SNX24: variants seen among roughly 807,000 people sequenced by gnomAD.
SNX24 encodes the protein sorting nexin-24.
Under a neutral mutation model 28.7 loss-of-function variants are expected in SNX24, and 22 were observed. The ratio of observed to expected loss-of-function variants is 0.77; its 90% confidence interval spans 0.55 to 1.10. SNX24 has a LOEUF of 1.10. Among genes scored for constraint, SNX24 ranks in the 50% least tolerant of loss-of-function variants. The probability of loss-of-function intolerance (pLI) is 0.00; values close to 1 mark genes in which losing one functional copy is unlikely to be tolerated. For synonymous variants in SNX24, 69 were observed against 71.5 expected (o/e 0.96, Z 0.18); for missense variants, 221 against 201.1 (o/e 1.10, Z -0.60).
At position 122,888,922 on chromosome 5, in the gene SNX24, G is replaced by A. The variant is rs370259674; in HGVS notation, c.60+43229G>A. ...AATGGAGTGCAGTGGCGTGATCTCA[G>A]CTCACTGCAGCCTCTGCCTCCCAGG... is the stretch of plus-strand genomic sequence containing the variant. On this transcript the variant is annotated intron_variant, in intron 1 of 6. Coordinates refer to ENST00000261369, the MANE Select transcript of SNX24 (RefSeq NM_014035.4). Among the ~76,000 whole-genome samples, 7 of 152,278 alleles carry A rather than the reference G, an allele frequency of 4.6e-5. No homozygotes were observed. In the East Asian group the frequency reaches 5.8e-4, roughly 13 times the overall value.
At chr5:122,994,026 G>C (rs989603987) in intron 3 of SNX24, among the ~76,000 whole-genome samples, 2 of 152,080 alleles carry the variant, frequency 1.3e-5, no homozygotes, top group Non-Finnish European at 2.9e-5. Flanking sequence ...AACCCTGATA[G>C]ACAATGGAAA....
chr5:122,904,910 G>A (rs549021852), intron 1 of SNX24, among the ~76,000 whole-genome samples: 27 of 152,274 alleles, frequency 1.8e-4, no homozygotes, highest in Admixed American at 3.3e-4. Flanking sequence ...TGTTTGGAGC[G>A]GCCGTCTCGT....
intron 3 of SNX24, among the ~76,000 whole-genome samples, chr5:122,961,135 T>C (rs1760472851): frequency 6.6e-6 from 1 of 152,208 alleles, no homozygotes; most frequent in African/African-American, 2.4e-5. Flanking sequence ...AATTTCTCCT[T>C]TAATCCACAT....
chr5:122,972,573 C>G (rs923140754), intron 3 of SNX24, among the ~76,000 whole-genome samples: 4 of 152,212 alleles, frequency 2.6e-5, no homozygotes, highest in African/African-American at 9.6e-5. Context: ...ATTTCAGGAG[C>G]ATGAGCTGAC....
intron 2 of SNX24, among the ~76,000 whole-genome samples, chr5:122,937,494 AT>A (rs1759230020): frequency 6.6e-6 from 1 of 152,152 alleles, no homozygotes; most frequent in Admixed American, 6.5e-5. Context: ...CCTAAATTTA[AT>A]TTTTTCTAGA....
At chr5:122,992,028 A>G (rs1761875959) in intron 3 of SNX24, among the ~76,000 whole-genome samples, 1 of 152,234 alleles carries the variant, frequency 6.6e-6, no homozygotes, top group Admixed American at 6.5e-5. Flanking sequence ...GAATTAAACT[A>G]TGTAGCATAG....
At chr5:122,969,518 C>G (rs1760863480) in intron 3 of SNX24, among the ~76,000 whole-genome samples, 1 of 152,068 alleles carries the variant, frequency 6.6e-6, no homozygotes, top group African/African-American at 2.4e-5. Flanking sequence ...TCCATTTTTG[C>G]TATTTCCCGA....
rs199626998 is a variant in SNX24 at position 122,958,563 on chromosome 5, G to GT, written c.249+12413dup. Among the ~76,000 whole-genome samples, 1,212 of 150,898 alleles carry GT rather than the reference G, an allele frequency of 8.0e-3. 19 individuals carry two copies. The highest frequency in any genetic ancestry group is 0.028 in the African/African-American group (1,152 of 41,142). Reference sequence around the variant, plus strand: ...GAGCCACCATGCCTGACCACCAAGAGTTTTTTTTTCACATCAATTAGATGA... The same window carrying GT: ...GAGCCACCATGCCTGACCACCAAGAGTTTTTTTTTTCACATCAATTAGATGA... On this transcript the variant is annotated intron_variant, in intron 3 of 6. Coordinates refer to ENST00000261369, the MANE Select transcript of SNX24 (RefSeq NM_014035.4).
chr5:123,013,731 G>T (rs762860222), downstream of SNX24, among the ~76,000 whole-genome samples: 1 of 152,140 alleles, frequency 6.6e-6, no homozygotes, highest in Non-Finnish European at 1.5e-5. Context: ...TAGTTACAGT[G>T]ACAGCTAGGA....
chr5:123,005,892 G>A (rs1468997263), intron 6 of SNX24, among the ~76,000 whole-genome samples: 1 of 152,138 alleles, frequency 6.6e-6, no homozygotes, highest in African/African-American at 2.4e-5. Context: ...TCATGTTGGG[G>A]AAAGGCATGC....
At chr5:123,000,104 C>G in intron 4 of SNX24, 98 bp downstream of exon 4, 1 of 808,330 alleles carries the variant, frequency 1.2e-6, no homozygotes, top group South Asian at 1.5e-5. Context: ...GAGTAGCCTG[C>G]CGGCCACGCC....
At chr5:123,023,763 A>AAAAAAAGTAT in intron 5 of SNX24, 1 of 1,415,728 alleles carries the variant, frequency 7.1e-7, no homozygotes, top group Non-Finnish European at 9.3e-7. Context: ...ATAGAATACA[A>AAAAAAAGTAT]AAAGAAAGTA....
At chr5:122,874,695 G>T (rs1756145260) in intron 1 of SNX24, among the ~76,000 whole-genome samples, 1 of 152,198 alleles carries the variant, frequency 6.6e-6, no homozygotes, top group Non-Finnish European at 1.5e-5. Context: ...GGAGGTTCTT[G>T]AGCTTTTTGG....
intron 1 of SNX24, among the ~76,000 whole-genome samples, chr5:122,919,266 A>G (rs562236066): frequency 1.6e-4 from 24 of 152,348 alleles, no homozygotes; most frequent in Non-Finnish European, 7.3e-5. Flanking sequence ...ATTTTATGGA[A>G]GCAGAGAAAC....
intron 5 of SNX24, among the ~76,000 whole-genome samples, chr5:123,027,571 G>A (rs1425041419): frequency 1.3e-5 from 2 of 152,146 alleles, no homozygotes; most frequent in African/African-American, 4.8e-5. Context: ...CAACCTAAAT[G>A]CCTTCCTCCA....
At chr5:122,871,468 C>T (rs184493478) in intron 1 of SNX24, among the ~76,000 whole-genome samples, 141 of 152,192 alleles carry the variant, frequency 9.3e-4, no homozygotes, top group Admixed American at 1.7e-3. Flanking sequence ...AACAAATGAA[C>T]TTAAGAAAAG....
At chr5:122,969,927 C>T (rs544034729) in intron 3 of SNX24, among the ~76,000 whole-genome samples, 37 of 152,136 alleles carry the variant, frequency 2.4e-4, no homozygotes, top group Admixed American at 3.9e-4. Context: ...ACTTTCTCCA[C>T]GGGCCTCTCT....
intron 1 of SNX24, among the ~76,000 whole-genome samples, chr5:122,896,478 C>A (rs543865360): frequency 1.3e-5 from 2 of 152,320 alleles, no homozygotes; most frequent in Admixed American, 6.5e-5. Context: ...TACCATGTTG[C>A]CTTTGGTGGC....
At chr5:122,982,916 T>C (rs562483274) in intron 3 of SNX24, 1 of 152,226 alleles carries the variant, frequency 6.6e-6, no homozygotes, top group East Asian at 1.9e-4. Flanking sequence ...TTTGAAAAAA[T>C]ATTAACTCTT....
Sources: allele counts gnomAD v4.1 joint callset (sites outside exome capture counted in the v4.1 genomes callset), GRCh38; gene constraint gnomAD v4.1.1; transcripts MANE v1.5; gene names NCBI Gene and HGNC (gene_info 2026-07-23, HGNC 2026-07-21).